Variants in MTUS2 observed in about 807,000 individuals in gnomAD.
The protein encoded by MTUS2 is microtubule-associated tumor suppressor candidate 2.
Under a neutral mutation model 114.1 loss-of-function variants are expected in MTUS2, and 40 were observed. The observed-to-expected ratio is 0.35, with a 90% CI of 0.27 to 0.46. The LOEUF (loss-of-function observed/expected upper bound fraction) is 0.46. Ranked by LOEUF, MTUS2 falls within the 20% of genes least tolerant of loss-of-function variation. MTUS2 has a pLI of 1.00. For synonymous variants in MTUS2, 688 were observed against 672.0 expected (o/e 1.02, Z -0.37); for missense variants, 1,679 against 1,705.4 (o/e 0.98, Z 0.27).
At chr13:28,913,427 A>G (rs1454566733) in intron 2 of MTUS2, among the ~76,000 whole-genome samples, 1 of 151,938 alleles carries the variant, frequency 6.6e-6, no homozygotes, top group East Asian at 1.9e-4. Flanking sequence ...ATTGATTTGG[A>G]TATGTTGAAC....
At chr13:28,983,939 C>T (rs780399334) in intron 2 of MTUS2, among the ~76,000 whole-genome samples, 23 of 152,222 alleles carry the variant, frequency 1.5e-4, no homozygotes, top group East Asian at 3.8e-4. Context: ...GCTGTTTGGG[C>T]GCTCTCTTGC....
At chr13:29,299,337 G>A (rs192307588) in intron 6 of MTUS2, among the ~76,000 whole-genome samples, 66 of 152,196 alleles carry the variant, frequency 4.3e-4, no homozygotes, top group African/African-American at 1.4e-3. Context: ...ACTAAGGATC[G>A]GTGAACATTT....
chr13:29,058,716 C>A (rs9551594), intron 4 of MTUS2, among the ~76,000 whole-genome samples: 1 of 129,212 alleles, frequency 7.7e-6, no homozygotes, highest in South Asian at 2.5e-4. Context: ...CTCCCCCCTC[C>A]CCCCACCCCA....
chr13:29,038,296 C>T (rs949452629), intron 4 of MTUS2, among the ~76,000 whole-genome samples: 2 of 152,212 alleles, frequency 1.3e-5, no homozygotes, highest in Non-Finnish European at 2.9e-5. Flanking sequence ...CAGTCAGGCT[C>T]CTCCTCTGCA....
At chr13:29,400,328 G>A (rs1874230907) in intron 8 of MTUS2, among the ~76,000 whole-genome samples, 1 of 152,180 alleles carries the variant, frequency 6.6e-6, no homozygotes, top group South Asian at 2.1e-4. Context: ...TACAGCATGC[G>A]TGAAGAGCTC....
chr13:28,992,489 C>T (rs1884906605), intron 2 of MTUS2, among the ~76,000 whole-genome samples: 1 of 152,098 alleles, frequency 6.6e-6, no homozygotes, highest in East Asian at 1.9e-4. Flanking sequence ...GACGGCTGCA[C>T]ATGGACTAGA....
At chr13:29,312,063 A>C (rs1411435511) in intron 6 of MTUS2, among the ~76,000 whole-genome samples, 1 of 152,002 alleles carries the variant, frequency 6.6e-6, no homozygotes, top group Non-Finnish European at 1.5e-5. Context: ...CTCCAACCCC[A>C]CTGCTCTGCA....
chr13:29,027,471 A>G (rs1449069720), intron 3 of MTUS2, among the ~76,000 whole-genome samples: 1 of 152,196 alleles, frequency 6.6e-6, no homozygotes, highest in East Asian at 1.9e-4. Flanking sequence ...ACAGCGTTTG[A>G]TCTTTGTTAA....
chr13:29,319,074 C>T (rs569044858), intron 6 of MTUS2, among the ~76,000 whole-genome samples: 98 of 152,252 alleles, frequency 6.4e-4, no homozygotes, highest in African/African-American at 1.9e-3. Context: ...TCTGAATCTC[C>T]GTATAGATAA....
intron 5 of MTUS2, among the ~76,000 whole-genome samples, chr13:29,144,243 T>G (rs1175496776): frequency 6.6e-6 from 1 of 152,220 alleles, no homozygotes; most frequent in Non-Finnish European, 1.5e-5. Context: ...ACCCACATTT[T>G]CTGTTTCTGT....
At chr13:29,214,821 T>C (rs1460060339) in intron 5 of MTUS2, among the ~76,000 whole-genome samples, 2 of 152,200 alleles carry the variant, frequency 1.3e-5, no homozygotes, top group African/African-American at 4.8e-5. Flanking sequence ...CCTTGGTGAA[T>C]CTGATGATTA....
At chr13:29,108,327 T>A (rs1453773187) in intron 5 of MTUS2, among the ~76,000 whole-genome samples, 1 of 152,338 alleles carries the variant, frequency 6.6e-6, no homozygotes, top group East Asian at 1.9e-4. Context: ...CAGACAATGA[T>A]GAGTTGCACC....
At chr13:28,982,428 A>ATGCTGC (rs1194248015) in intron 2 of MTUS2, among the ~76,000 whole-genome samples, 1 of 152,114 alleles carries the variant, frequency 6.6e-6, no homozygotes, top group Non-Finnish European at 1.5e-5. Flanking sequence ...GGAATGTAAA[A>ATGCTGC]TGCTGCTGCT....
Position 29,155,932 on chromosome 13 carries a change from A to G in MTUS2, c.2644+54962A>G, listed in dbSNP as rs564721391. 2.6e-5 allele frequency among the ~76,000 whole-genome samples: 4 copies of G among 152,226 alleles called. No homozygotes were observed. In the South Asian group the frequency reaches 8.3e-4, roughly 32 times the overall value. ...ATTTAACAACTAGTATAGCACAGAT[A>G]TTGACATAGGAGGCAGGGCAGTAAA... is the stretch of plus-strand genomic sequence containing the variant. On this transcript the variant is annotated intron_variant, in intron 5 of 15. Coordinates refer to ENST00000612955, the MANE Select transcript of MTUS2 (RefSeq NM_001033602.4).
At chr13:29,273,216 A>G (rs1427977972) in intron 5 of MTUS2, among the ~76,000 whole-genome samples, 1 of 152,214 alleles carries the variant, frequency 6.6e-6, no homozygotes, top group Admixed American at 6.5e-5. Flanking sequence ...AAGAAAAGTG[A>G]AGGGGTTTAA....
At chr13:29,021,870 G>GTA (rs1566298035) in intron 2 of MTUS2, among the ~76,000 whole-genome samples, 1 of 152,188 alleles carries the variant, frequency 6.6e-6, no homozygotes, top group African/African-American at 2.4e-5. Flanking sequence ...TGTGATCAGG[G>GTA]TATGAGCAAC....
intron 7 of MTUS2, among the ~76,000 whole-genome samples, chr13:29,343,009 C>G (rs1351637101): frequency 6.6e-6 from 1 of 151,968 alleles, no homozygotes; most frequent in African/African-American, 2.4e-5. Flanking sequence ...AGTATGAAAC[C>G]CACTTGATCA....
intron 4 of MTUS2, among the ~76,000 whole-genome samples, chr13:29,078,289 C>T (rs1005207630): frequency 2.6e-5 from 4 of 152,100 alleles, no homozygotes; most frequent in African/African-American, 9.7e-5. Context: ...CTTTGATCTG[C>T]CATACAAAAC....
intron 7 of MTUS2, among the ~76,000 whole-genome samples, chr13:29,326,476 A>ACATATATATTGT (rs1162569698): frequency 1.3e-5 from 2 of 152,128 alleles, no homozygotes; most frequent in Non-Finnish European, 2.9e-5. Context: ...GCAATAAAAT[A>ACATATATATTGT]CATATATATT....
Sources: gnomAD v4.1 joint callset for allele counts (sites outside exome capture counted in the v4.1 genomes callset) on GRCh38, gnomAD v4.1.1 for gene constraint, MANE v1.5 for transcripts, NCBI Gene and HGNC (gene_info 2026-07-23, HGNC 2026-07-21) for gene names.